SYTL2: variants seen among roughly 807,000 people sequenced by gnomAD.
SYTL2 encodes synaptotagmin like 2.
A neutral mutation model predicts 198.7 loss-of-function variants in SYTL2; 165 were observed. The ratio of observed to expected loss-of-function variants is 0.83; its 90% CI spans 0.73 to 0.94. The LOEUF is 0.94. SYTL2 is among the 40% of genes least tolerant of loss of function. The probability of loss-of-function intolerance (pLI) is 0.00; values close to 1 mark genes in which losing one functional copy is unlikely to be tolerated. For missense variants in SYTL2, 2,835 were observed against 2,582.8 expected, an observed-to-expected ratio of 1.10 and a Z score of -2.12; for synonymous variants, 966 against 917.7, an observed-to-expected ratio of 1.05 and a Z score of -0.95.
chr11:85,723,160 T>C (rs1354078443), intron 8 of SYTL2, among the ~76,000 whole-genome samples: 1 of 152,174 alleles, frequency 6.6e-6, no homozygotes, highest in African/African-American at 2.4e-5. Flanking sequence ...GTTGATTAAA[T>C]AGCAAACTGA....
At chr11:85,728,480 T>C (rs562064237) in intron 7 of SYTL2, among the ~76,000 whole-genome samples, 1 of 152,056 alleles carries the variant, frequency 6.6e-6, no homozygotes, top group African/African-American at 2.4e-5. Flanking sequence ...AGAGACGGGG[T>C]TTCACCATAT....
the SYTL2 span, among the ~76,000 whole-genome samples, chr11:85,842,114 T>A: frequency 6.6e-6 from 1 of 152,198 alleles, no homozygotes; most frequent in Non-Finnish European, 1.5e-5. Flanking sequence ...AGAGATTAGC[T>A]TGAAAGACTG....
intron 8 of SYTL2, among the ~76,000 whole-genome samples, chr11:85,723,118 GCTCTGGGGTTT>G (rs1284800245): frequency 6.6e-6 from 1 of 152,130 alleles, no homozygotes; most frequent in Admixed American, 6.5e-5. Flanking sequence ...ATTCCTATTT[GCTCTGGGGTTT>G]CTCTGCTAAA....
intron 11 of SYTL2, among the ~76,000 whole-genome samples, chr11:85,715,374 C>T (rs1460968639): frequency 6.6e-6 from 1 of 152,054 alleles, no homozygotes; most frequent in Non-Finnish European, 1.5e-5. Context: ...TAGTGCCTAG[C>T]ACAGAGTAAG....
At chr11:85,750,462 T>C (rs1397255837) in intron 2 of SYTL2, among the ~76,000 whole-genome samples, 3 of 152,164 alleles carry the variant, frequency 2.0e-5, no homozygotes, top group Non-Finnish European at 4.4e-5. Flanking sequence ...GGCACAGTTA[T>C]TACAGTTTCT....
intron 1 of SYTL2, among the ~76,000 whole-genome samples, chr11:85,804,177 T>G (rs1420795202): frequency 2.6e-5 from 4 of 152,210 alleles, no homozygotes; most frequent in Non-Finnish European, 5.9e-5. Flanking sequence ...ACTTAAACTT[T>G]ATTAATTATT....
chr11:85,727,169 T>C lies in SYTL2; in HGVS notation c.2189A>G (p.Asn730Ser). The C allele has an allele frequency of 1.3e-6, 2 of 1,536,524 alleles. No homozygotes were observed. The highest frequency in any genetic ancestry group is 8.7e-7 in the Non-Finnish European group (1 of 1,146,932). ...TCCTACTTTGCTCTTTCTCTCTGCA[T>C]TCATGTTATCTTTCAAACCTGGTTC... is the stretch of plus-strand genomic sequence containing the variant. ...VKEPGLKDNMNAERKSKVGNT... is the reference protein window; with the variant it reads ...VKEPGLKDNMSAERKSKVGNT... Residue 730 changes from asparagine (N) to serine (S), a missense_variant, in exon 8 of 20, where the codon AAT becomes AGT. By Grantham distance (46) the Asn-to-Ser change is conservative. Around this residue, in one of 3 missense-constraint regions of SYTL2, gnomAD observed 2,645 missense variants for 2,381.7 expected, o/e 1.11. Coordinates refer to ENST00000359152, the MANE Select transcript of SYTL2 (RefSeq NM_206927.4).
the SYTL2 span, among the ~76,000 whole-genome samples, chr11:85,848,669 G>T: frequency 6.6e-6 from 1 of 152,208 alleles, no homozygotes; most frequent in African/African-American, 2.4e-5. Flanking sequence ...GTCCTTTTGT[G>T]TTCATATTTT....
intron 1 of SYTL2, among the ~76,000 whole-genome samples, chr11:85,796,728 T>C (rs1276005086): frequency 6.6e-6 from 1 of 152,232 alleles, no homozygotes; most frequent in African/African-American, 2.4e-5. Flanking sequence ...CCACAATCTA[T>C]ACACAGGATG....
At chr11:85,814,974 T>A (rs926039231), upstream of SYTL2, among the ~76,000 whole-genome samples, 2 of 152,206 alleles carry the variant, frequency 1.3e-5, no homozygotes, top group Non-Finnish European at 2.9e-5. Context: ...GTCTTTATAG[T>A]TACTTGTCAC....
At chr11:85,718,733 C>A in intron 10 of SYTL2, 57 bp downstream of exon 10, 2 of 1,561,074 alleles carry the variant, frequency 1.3e-6, no homozygotes, top group Non-Finnish European at 1.8e-6. Context: ...GGAGACTGCC[C>A]AAATCACCCC....
At chr11:85,805,462 C>T (rs1347672874) in intron 1 of SYTL2, among the ~76,000 whole-genome samples, 3 of 152,336 alleles carry the variant, frequency 2.0e-5, no homozygotes, top group Admixed American at 6.5e-5. Context: ...CCTCCCAACA[C>T]AGATCACTGG....
intron 1 of SYTL2, among the ~76,000 whole-genome samples, chr11:85,790,249 G>T (rs1007066813): frequency 6.6e-6 from 1 of 152,078 alleles, no homozygotes; most frequent in Non-Finnish European, 1.5e-5. Context: ...GAACATTTTG[G>T]ATTTCAGATT....
chr11:85,714,159 T>C (rs557670243), intron 12 of SYTL2, among the ~76,000 whole-genome samples: 1 of 152,360 alleles, frequency 6.6e-6, no homozygotes, highest in South Asian at 2.1e-4. Flanking sequence ...GTACTAACTT[T>C]GAAACAAAAG....
chr11:85,738,091 C>A (rs1446649095), intron 4 of SYTL2, among the ~76,000 whole-genome samples: 2 of 152,108 alleles, frequency 1.3e-5, no homozygotes, highest in African/African-American at 4.8e-5. Flanking sequence ...TTGGAAAACA[C>A]CTTAGTTTGT....
rs7941468 is a variant in SYTL2 at position 85,733,761 on chromosome 11, G to A, written c.1390+178C>T. The A allele has an allele frequency of 6.4e-3, 3,401 of 534,550 alleles. 114 individuals are homozygous for A. Among genetic ancestry groups the A allele is most frequent in the African/African-American group, 0.058 (2,999 of 51,786 alleles). The allele number at this position is 534,550 out of a possible 1,614,324, so 33.1% of individuals were successfully genotyped here. ...ACTACAGGCGCCCGCCACCGCGCCC[G>A]GCTAATTTTTTGTATTTTTAGTAGA... On this transcript the variant is annotated intron_variant, in intron 7 of 19. Transcript: ENST00000359152.
At chr11:85,816,915 C>CA in the SYTL2 span, among the ~76,000 whole-genome samples, 3,320 of 80,794 alleles carry the variant, frequency 0.041, 143 homozygotes, top group African/African-American at 0.092. Context: ...AACCCTGTCT[C>CA]AAAAAAAAAA....
intron 7 of SYTL2, among the ~76,000 whole-genome samples, chr11:85,728,351 A>ATC (rs888336642): frequency 1.9e-4 from 29 of 151,864 alleles, no homozygotes; most frequent in African/African-American, 7.0e-4. Flanking sequence ...CAGTGGCGGG[A>ATC]TCTCGGCTCA....
At position 85,698,060 on chromosome 11, in the gene SYTL2, G is replaced by C; in HGVS notation, c.6287C>G (p.Thr2096Ser). Residue 2096 changes from threonine (T) to serine (S), a missense_variant, in exon 18 of 20, where the codon ACT becomes AGT. This residue lies in a region of SYTL2 where 185 missense variants were observed against 182.1 expected (regional missense o/e 1.02). Coordinates refer to ENST00000359152, the MANE Select transcript of SYTL2 (RefSeq NM_206927.4). ...CTTCACCCAGATGTGCACTTCTCCA[G>C]TTGTAGGAAGCTTTTTACCTACAAT... The part of the protein sequence containing the change: ...EPVPGKKLPT[T>S]GEVHIWVKEC... 1 of 1,613,386 alleles carries C rather than the reference G, an allele frequency of 6.2e-7. No homozygotes were observed. Among genetic ancestry groups the C allele is most frequent in the Non-Finnish European group, 8.5e-7 (1 of 1,179,444 alleles).
Sources: allele counts gnomAD v4.1 joint callset (sites outside exome capture counted in the v4.1 genomes callset), GRCh38; gene constraint gnomAD v4.1.1; regional missense constraint gnomAD v4.1.1; transcripts MANE v1.5; gene names NCBI Gene and HGNC (gene_info 2026-07-23, HGNC 2026-07-21).